The following MEIS1 variants were observed in gnomAD, a reference collection of about 807,000 sequenced individuals.
MEIS1 encodes the protein Meis homeobox 1.
Under a neutral mutation model 50.8 loss-of-function variants are expected in MEIS1, and 5 were observed. That is an observed-to-expected ratio of 0.10 (90% CI 0.05 to 0.21). The LOEUF is 0.21. Among genes scored for constraint, MEIS1 ranks in the 10% least tolerant of loss-of-function variants. MEIS1 has a pLI of 1.00. For missense variants in MEIS1, 318 were observed against 517.3 expected (o/e 0.61, Z 3.74); for synonymous variants, 176 against 179.3 (o/e 0.98, Z 0.15).
At chr2:66,495,531 A>T (rs1673380708) in intron 7 of MEIS1, among the ~76,000 whole-genome samples, 3 of 152,192 alleles carry the variant, frequency 2.0e-5, no homozygotes, top group African/African-American at 7.2e-5. Flanking sequence ...TTGGGTATAA[A>T]TGAGAAACAA....
At chr2:66,503,448 C>T (rs1673605245) in intron 7 of MEIS1, among the ~76,000 whole-genome samples, 1 of 152,188 alleles carries the variant, frequency 6.6e-6, no homozygotes. Context: ...GATTTTGGCT[C>T]AAGATCACTC....
intron 7 of MEIS1, among the ~76,000 whole-genome samples, chr2:66,485,180 T>A (rs952502897): frequency 6.6e-6 from 1 of 152,178 alleles, no homozygotes; most frequent in Admixed American, 6.5e-5. Flanking sequence ...ACATGTCCCA[T>A]GGTGGTTTGC....
rs770272549 is a variant in MEIS1, at chr2:66,440,566, G to T, written c.386G>T (p.Arg129Leu). The T allele has an allele frequency of 6.2e-7, 1 of 1,611,968 alleles. No homozygotes were observed. Among genetic ancestry groups the T allele is most frequent in the Non-Finnish European group, 8.5e-7 (1 of 1,179,016 alleles). ...CTCCTTCTCACTTGTATTTAGATTC[G>T]CGCAGAAAAACCTCTATTTTCTTCT... ...EDIAVFAKQI[R>L]AEKPLFSSNP... The change falls in exon 4 of 13, where the codon CGC becomes CTC. Residue 129 changes from arginine to leucine, a missense_variant. Physicochemically the swap from Arg to Leu is moderately radical, Grantham distance 102. This residue lies in a region of MEIS1 where 75 missense variants were observed against 153.7 expected (regional missense o/e 0.49). Transcript: ENST00000272369.
intron 8 of MEIS1, among the ~76,000 whole-genome samples, chr2:66,528,298 G>T (rs1674307430): frequency 6.6e-6 from 1 of 152,138 alleles, no homozygotes; most frequent in South Asian, 2.1e-4. Flanking sequence ...CAGACAGACA[G>T]GTCTCTGTCA....
At chr2:66,508,498 C>G (rs1163248720) in intron 7 of MEIS1, among the ~76,000 whole-genome samples, 1 of 152,146 alleles carries the variant, frequency 6.6e-6, no homozygotes, top group Non-Finnish European at 1.5e-5. Flanking sequence ...CTCATCAGAG[C>G]CCAGGAAGTT....
intron 6 of MEIS1, among the ~76,000 whole-genome samples, chr2:66,446,916 A>G (rs1672165902): frequency 6.6e-6 from 1 of 152,212 alleles, no homozygotes; most frequent in Admixed American, 6.5e-5. Flanking sequence ...GTTTTATTTC[A>G]AAAGTTCACA....
At chr2:66,536,284 A>G (rs1406039678) in intron 8 of MEIS1, among the ~76,000 whole-genome samples, 1 of 152,256 alleles carries the variant, frequency 6.6e-6, no homozygotes, top group Admixed American at 6.5e-5. Flanking sequence ...TTTAATATCA[A>G]TATTCCAGAG....
intron 6 of MEIS1, among the ~76,000 whole-genome samples, chr2:66,444,323 T>C (rs1000373869): frequency 1.3e-5 from 2 of 152,212 alleles, no homozygotes; most frequent in Non-Finnish European, 2.9e-5. Context: ...TGTTGGCCAG[T>C]GGCTGTCTTG....
At chr2:66,568,354 G>A (rs992224555) in intron 10 of MEIS1, 6 of 262,538 alleles carry the variant, frequency 2.3e-5, no homozygotes, top group East Asian at 9.4e-5. Context: ...TGTTAGCATC[G>A]CATTGAGGCA....
At chr2:66,484,584 G>C (rs1354549339) in intron 7 of MEIS1, among the ~76,000 whole-genome samples, 1 of 151,698 alleles carries the variant, frequency 6.6e-6, no homozygotes, top group East Asian at 1.9e-4. Flanking sequence ...TTGAGATGGA[G>C]TTTCACTTTT....
chr2:66,550,464 C>CTGTTT lies in MEIS1; in HGVS notation c.965+2493_965+2497dup, dbSNP rs56404928. The stretch of plus-strand genomic sequence containing the variant: ...TATTAATTTTTATAGAAACCTCTTC[C>CTGTTT]TGTTTTGTTTTGTTTTGTTTTGTTT... On this transcript the variant is annotated intron_variant, in intron 9 of 12. Coordinates refer to ENST00000272369, the MANE Select transcript of MEIS1 (RefSeq NM_002398.3). Among the ~76,000 whole-genome samples the CTGTTT allele has an allele frequency of 4.3e-3, 632 of 148,004 alleles. 6 individuals are homozygous for CTGTTT. The highest frequency in any genetic ancestry group is 0.015 in the African/African-American group (600 of 39,884).
At chr2:66,518,154 G>T (rs1033810697) in intron 8 of MEIS1, among the ~76,000 whole-genome samples, 9 of 152,098 alleles carry the variant, frequency 5.9e-5, no homozygotes, top group African/African-American at 1.9e-4. Flanking sequence ...GGAGGCATGG[G>T]GGAAAACAAT....
chr2:66,556,192 C>T (rs979232015), intron 9 of MEIS1, among the ~76,000 whole-genome samples: 1 of 152,172 alleles, frequency 6.6e-6, no homozygotes, highest in African/African-American at 2.4e-5. Context: ...CTTAGCCTGA[C>T]CCCTTAATAT....
At chr2:66,551,271 C>T (rs1030623208) in intron 9 of MEIS1, among the ~76,000 whole-genome samples, 2 of 152,010 alleles carry the variant, frequency 1.3e-5, no homozygotes, top group Non-Finnish European at 2.9e-5. Context: ...TTACATTTCT[C>T]GAATTGACAG....
At chr2:66,463,984 G>A (rs1672579179) in intron 6 of MEIS1, 125 bp from the exon 7 acceptor site, 2 of 666,828 alleles carry the variant, frequency 3.0e-6, no homozygotes, top group South Asian at 1.9e-5. Context: ...TGGTTGAAGG[G>A]GGATGGGAAA....
At chr2:66,541,567 CA>C (rs1394227504) in intron 8 of MEIS1, among the ~76,000 whole-genome samples, 1 of 152,122 alleles carries the variant, frequency 6.6e-6, no homozygotes, top group African/African-American at 2.4e-5. Context: ...ATACAGAAAT[CA>C]GAGAGATTGT....
At chr2:66,475,852 T>C (rs1672880330) in intron 7 of MEIS1, among the ~76,000 whole-genome samples, 1 of 152,230 alleles carries the variant, frequency 6.6e-6, no homozygotes, top group Non-Finnish European at 1.5e-5. Flanking sequence ...GTAATCATAT[T>C]CATCCTTTTG....
chr2:66,568,606 T>A (rs1675408516), intron 10 of MEIS1, 61 bp from the exon 11 acceptor site: 29 of 1,249,128 alleles, frequency 2.3e-5, no homozygotes. Context: ...TAGTCTCTCT[T>A]GGGCTATTTC....
intron 8 of MEIS1, among the ~76,000 whole-genome samples, chr2:66,543,195 A>T (rs1674698175): frequency 6.6e-6 from 1 of 152,122 alleles, no homozygotes; most frequent in African/African-American, 2.4e-5. Context: ...AGCTATTTTT[A>T]GATTTTTCTC....
Sources: allele counts gnomAD v4.1 joint callset (sites outside exome capture counted in the v4.1 genomes callset), GRCh38; gene constraint gnomAD v4.1.1; regional missense constraint gnomAD v4.1.1; transcripts MANE v1.5; gene names NCBI Gene and HGNC (gene_info 2026-07-23, HGNC 2026-07-21).